DNAH5: variants seen among roughly 807,000 people sequenced by gnomAD.
DNAH5 encodes the protein axonemal beta dynein heavy chain 5.
Under a neutral mutation model 518.2 loss-of-function variants are expected in DNAH5, and 372 were observed. The ratio of observed to expected loss-of-function variants is 0.72; its 90% CI spans 0.66 to 0.78. DNAH5 has a LOEUF of 0.78. Among genes scored for constraint, DNAH5 ranks in the 30% least tolerant of loss-of-function variants. The pLI is 0.00. For synonymous variants in DNAH5, 2,039 were observed against 2,025.9 expected, an observed-to-expected ratio of 1.01 and a Z score of -0.17; for missense variants, 5,523 against 5,687.0, an observed-to-expected ratio of 0.97 and a Z score of 0.93.
intron 38 of DNAH5, among the ~76,000 whole-genome samples, chr5:13,825,283 G>T (rs1048122013): frequency 2.0e-5 from 3 of 152,118 alleles, no homozygotes; most frequent in African/African-American, 7.2e-5. Flanking sequence ...AGCAGAGGTT[G>T]CAGTGAGCCG....
In DNAH5 at chr5:13,862,601, G is replaced by A. The variant is rs1334724006; in HGVS notation, c.4743C>T (p.Ile1581=). 9.9e-6 allele frequency: 16 copies of A among 1,614,000 alleles called. No individual in the cohort carries two copies. Among genetic ancestry groups the A allele is most frequent in the Admixed American group, 1.7e-5 (1 of 59,992 alleles). ...TCAAGCTGTCCTCCATGTTGGCGATGATTTCCGAGGTACTGTCTCCTCTCA... is the reference window on the plus strand; with the variant it reads ...TCAAGCTGTCCTCCATGTTGGCGATAATTTCCGAGGTACTGTCTCCTCTCA... ...LLLRGDSTSE[I]IANMEDSLML... is the part of the protein sequence containing the mutation. The change falls in exon 29 of 79, where the codon ATC becomes ATT. Residue 1581 remains isoleucine (I), a synonymous_variant. Transcript: ENST00000265104.
chr5:13,727,471 A>T, intron 70 of DNAH5, 36 bp downstream of exon 70: 1 of 1,543,470 alleles, frequency 6.5e-7, no homozygotes, highest in Non-Finnish European at 8.8e-7. Context: ...CTTTAAAAAT[A>T]TTCTCTCATT....
intron 12 of DNAH5, among the ~76,000 whole-genome samples, chr5:13,909,025 A>C (rs1020389474): frequency 5.9e-5 from 9 of 152,230 alleles, no homozygotes; most frequent in Admixed American, 5.9e-4. Flanking sequence ...CAAAGGAATA[A>C]AGAAGTGTAA....
At chr5:13,994,125 A>G (rs1257732763) in intron 1 of DNAH5, among the ~76,000 whole-genome samples, 4 of 152,032 alleles carry the variant, frequency 2.6e-5, no homozygotes, top group African/African-American at 9.7e-5. Context: ...CAGGCTTCCC[A>G]CTGCACTTCC....
rs1193586811 is a variant in DNAH5 at position 13,792,038 on chromosome 5, G to A, written c.8404C>T (p.Gln2802Ter). ...TCTGAAGTAGTGTTCAGCATTCCCTGCCAGACCCGAGAAAGATCTCGTAGG... is the reference window on the plus strand; with the variant it reads ...TCTGAAGTAGTGTTCAGCATTCCCTACCAGACCCGAGAAAGATCTCGTAGG... The part of the protein sequence containing the change: ...FNLRDLSRVW[Q>*]GMLNTTSEVI... Residue 2802 changes from glutamine to a stop codon, truncating the protein, a stop_gained, in exon 50 of 79, where the codon CAG becomes TAG. Coordinates refer to ENST00000265104, the MANE Select transcript of DNAH5 (RefSeq NM_001369.3). LOFTEE classifies it high-confidence loss of function. 53 of 1,613,790 alleles carry A rather than the reference G, an allele frequency of 3.3e-5. No homozygotes were observed. The highest frequency in any genetic ancestry group is 4.2e-5 in the Non-Finnish European group (50 of 1,179,954).
intron 1 of DNAH5, among the ~76,000 whole-genome samples, chr5:13,985,433 ATATATATATAT>A (rs1561045581): frequency 1.8e-4 from 1 of 5,710 alleles, no homozygotes; most frequent in Non-Finnish European, 3.5e-4. Flanking sequence ...ATAATAAAAT[ATATATATATAT>A]ATATATATAT....
intron 30 of DNAH5, among the ~76,000 whole-genome samples, chr5:13,853,597 C>T (rs1440190162): frequency 6.6e-6 from 1 of 151,852 alleles, no homozygotes; most frequent in African/African-American, 2.4e-5. Context: ...CATGTTCTAA[C>T]CCAATATAAG....
upstream of DNAH5, among the ~76,000 whole-genome samples, chr5:13,949,158 A>C (rs1485753543): frequency 6.6e-6 from 1 of 152,240 alleles, no homozygotes; most frequent in African/African-American, 2.4e-5. Flanking sequence ...AGAGGAATCT[A>C]GAAAAAGTAC....
At chr5:13,704,994 T>A (rs1742586803) in intron 76 of DNAH5, among the ~76,000 whole-genome samples, 1 of 83,500 alleles carries the variant, frequency 1.2e-5, no homozygotes, top group African/African-American at 4.7e-5. Context: ...CAATAGACAA[T>A]TTTTTTTTTT....
intron 17 of DNAH5, among the ~76,000 whole-genome samples, chr5:13,887,010 T>C (rs186876484): frequency 9.8e-4 from 149 of 152,324 alleles, no homozygotes; most frequent in African/African-American, 3.3e-3. Flanking sequence ...ACCTAAATAT[T>C]TGCAAAGGTT....
chr5:13,740,240 A>AC (rs1355324501), intron 65 of DNAH5, among the ~76,000 whole-genome samples: 2 of 151,252 alleles, frequency 1.3e-5, no homozygotes, highest in Non-Finnish European at 2.9e-5. Flanking sequence ...TATCATTGTC[A>AC]CCCCCCTCTA....
intron 1 of DNAH5, among the ~76,000 whole-genome samples, chr5:14,010,623 A>C (rs1294324687): frequency 6.6e-6 from 1 of 152,218 alleles, no homozygotes; most frequent in Non-Finnish European, 1.5e-5. Context: ...GTCTTCAATA[A>C]ACACAAAATA....
At chr5:13,749,042 C>A (rs1223463647) in intron 65 of DNAH5, among the ~76,000 whole-genome samples, 1 of 151,918 alleles carries the variant, frequency 6.6e-6, no homozygotes, top group Non-Finnish European at 1.5e-5. Context: ...GCAGTGTTAG[C>A]AGATTCAGGA....
rs529183733 is a variant in DNAH5 at position 13,906,815 on chromosome 5, A to G, written c.1644+4571T>C. Among the ~76,000 whole-genome samples the G allele has an allele frequency of 2.0e-5, 3 of 152,338 alleles. No individual in the cohort carries two copies. In the East Asian group the frequency reaches 5.8e-4, roughly 29 times the overall value. ...TACTACATATTAAAATTTGTAAGAAACAGCAATAGTGACCCTTCGTGGAAA... is the reference window on the plus strand; with the variant it reads ...TACTACATATTAAAATTTGTAAGAAGCAGCAATAGTGACCCTTCGTGGAAA... On this transcript the variant is annotated intron_variant, in intron 12 of 78. Coordinates refer to ENST00000265104, the MANE Select transcript of DNAH5 (RefSeq NM_001369.3).
intron 75 of DNAH5, among the ~76,000 whole-genome samples, chr5:13,710,650 C>A (rs1743366607): frequency 6.6e-6 from 1 of 151,850 alleles, no homozygotes; most frequent in Non-Finnish European, 1.5e-5. Context: ...GAGAGAAAAT[C>A]CAAATAACCT....
rs1778365883 is a variant in DNAH5 at position 13,931,090 on chromosome 5, A to G, written c.192+20T>C. On this transcript the variant is annotated intron_variant, in intron 2 of 78. Coordinates refer to ENST00000265104, the MANE Select transcript of DNAH5 (RefSeq NM_001369.3). The stretch of plus-strand genomic sequence containing the variant: ...TGTGCCCTCCATCATCAAGTCAGTG[A>G]GAAGTGAAACGCATCCCACCTGATT... The G allele has an allele frequency of 6.2e-7, 1 of 1,614,022 alleles. No individual in the cohort carries two copies. Among genetic ancestry groups the G allele is most frequent in the Non-Finnish European group, 8.5e-7 (1 of 1,179,912 alleles).
rs1416567709 is a variant in DNAH5, at chr5:13,944,396, T to A, written c.43A>T (p.Thr15Ser). The change falls in exon 1 of 79, where the codon ACT becomes TCT. Residue 15 changes from threonine to serine, a missense_variant. By Grantham distance (58) the Thr-to-Ser change is moderately conservative (BLOSUM62 1). Coordinates refer to ENST00000265104, the MANE Select transcript of DNAH5 (RefSeq NM_001369.3). Reference sequence around the variant, plus strand: ...CAGCACCTTACCGTTAAAACTCGAGTGACGCTATGCTTCCAGAGCTGTCTC... The same window carrying A: ...CAGCACCTTACCGTTAAAACTCGAGAGACGCTATGCTTCCAGAGCTGTCTC... The part of the protein sequence containing the change: ...GRRQLWKHSV[T>S]RVLTQRLKGE... 1 of 1,613,812 alleles carries A rather than the reference T, an allele frequency of 6.2e-7. No individual in the cohort carries two copies. Among genetic ancestry groups the A allele is most frequent in the South Asian group, 1.1e-5 (1 of 91,074 alleles).
At chr5:13,713,295 A>C (rs1743791221) in intron 75 of DNAH5, among the ~76,000 whole-genome samples, 1 of 147,190 alleles carries the variant, frequency 6.8e-6, no homozygotes, top group Non-Finnish European at 1.5e-5. Flanking sequence ...CAACATATAT[A>C]TACCGACATA....
rs570206369 is a variant in DNAH5, at chr5:13,980,128, G to A, written c.12+31520C>T. ...GGTAGGATTACAGGCGTGACCCACCGTGCCCAGCCCATCCCTTCTTCTTGA... is the reference window on the plus strand; with the variant it reads ...GGTAGGATTACAGGCGTGACCCACCATGCCCAGCCCATCCCTTCTTCTTGA... On this transcript the variant is annotated intron_variant, in intron 1 of 78. Coordinates refer to the DNAH5 transcript ENST00000681290. 7.9e-5 allele frequency among the ~76,000 whole-genome samples: 12 copies of A among 152,112 alleles called. No homozygotes were observed. In the Middle Eastern group the frequency reaches 0.01, roughly 129 times the overall value.
Sources: allele counts gnomAD v4.1 joint callset (sites outside exome capture counted in the v4.1 genomes callset), GRCh38; gene constraint gnomAD v4.1.1; transcripts MANE v1.5; gene names NCBI Gene and HGNC (gene_info 2026-07-23, HGNC 2026-07-21).